The following LY96 variants were observed in gnomAD, a reference collection of about 807,000 sequenced individuals.
The protein encoded by LY96 is lymphocyte antigen 96, also known as myeloid differentiation protein-2.
LY96 carries 18 observed loss-of-function variants against 18.9 expected under a neutral mutation model. The ratio of observed to expected loss-of-function variants is 0.95; its 90% CI spans 0.66 to 1.41. The LOEUF is 1.41. Ranked by LOEUF, LY96 falls within the 40% of genes most tolerant of loss-of-function variation. LY96 has a pLI of 0.00. For synonymous variants in LY96, 66 were observed against 62.6 expected, an observed-to-expected ratio of 1.06 and a Z score of -0.26; for missense variants, 175 against 182.4, an observed-to-expected ratio of 0.96 and a Z score of 0.23.
At chr8:74,054,853 T>C in the LY96 span, among the ~76,000 whole-genome samples, 1 of 151,350 alleles carries the variant, frequency 6.6e-6, no homozygotes, top group African/African-American at 2.4e-5. Flanking sequence ...TTGTTTTCTA[T>C]ATTGCCCAGG....
In LY96 at chr8:73,993,963, G is replaced by A. The variant is rs959499903; in HGVS notation, c.112+2409G>A. 2.6e-5 allele frequency among the ~76,000 whole-genome samples: 4 copies of A among 152,096 alleles called. No homozygotes were observed. The South Asian group carries it at 8.3e-4, about 32-fold the overall frequency. On this transcript the variant is annotated intron_variant, in intron 1 of 4. Transcript: ENST00000284818. ...CATTGCTGTGAAACCATCACCGTTG[G>A]TGTATCTTTTGATTTGACTTTCTAG...
the LY96 span, among the ~76,000 whole-genome samples, chr8:74,074,609 G>T: frequency 6.6e-6 from 1 of 151,980 alleles, no homozygotes; most frequent in Non-Finnish European, 1.5e-5. Context: ...CTTCGTTTTT[G>T]ATGTAGATGC....
intron 1 of LY96, among the ~76,000 whole-genome samples, chr8:73,996,361 CTTCCTTCA>C (rs1302306474): frequency 8.9e-4 from 78 of 87,900 alleles, no homozygotes; most frequent in Middle Eastern, 4.5e-3. Flanking sequence ...TCCTTCCTTC[CTTCCTTCA>C]TTCCTTTCTT....
intron 3 of LY96, among the ~76,000 whole-genome samples, chr8:74,024,953 G>A (rs372507692): frequency 1.3e-5 from 2 of 152,038 alleles, no homozygotes; most frequent in African/African-American, 2.4e-5. Context: ...CTAGCCTCTC[G>A]AGTAACTGGG....
the LY96 span, among the ~76,000 whole-genome samples, chr8:74,084,030 T>C: frequency 6.6e-6 from 1 of 152,124 alleles, no homozygotes; most frequent in Admixed American, 6.5e-5. Context: ...CTCTTTTTTT[T>C]TTTTTGTTTC....
the LY96 span, among the ~76,000 whole-genome samples, chr8:74,051,366 G>T: frequency 6.6e-6 from 1 of 152,172 alleles, no homozygotes; most frequent in African/African-American, 2.4e-5. Context: ...TGTAACTTGG[G>T]CATGAGATAA....
At chr8:74,014,812 TAC>T (rs111566455) in intron 3 of LY96, among the ~76,000 whole-genome samples, 3,452 of 144,346 alleles carry the variant, frequency 0.024, 46 homozygotes, top group Middle Eastern at 0.031. Context: ...CTCACCAGTT[TAC>T]ACACACACAC....
At chr8:73,997,923 G>A (rs1816184909) in intron 1 of LY96, among the ~76,000 whole-genome samples, 1 of 152,192 alleles carries the variant, frequency 6.6e-6, no homozygotes, top group Non-Finnish European at 1.5e-5. Context: ...ATCTCCATGT[G>A]TTCACCAACC....
chr8:74,040,812 C>T, the LY96 span, among the ~76,000 whole-genome samples: 1 of 150,558 alleles, frequency 6.6e-6, no homozygotes, highest in African/African-American at 2.4e-5. Context: ...AAGCAATTCT[C>T]CTGCCTCAGC....
At chr8:74,081,008 T>C in the LY96 span, among the ~76,000 whole-genome samples, 2 of 127,576 alleles carry the variant, frequency 1.6e-5, no homozygotes, top group South Asian at 4.7e-4. Flanking sequence ...CTTTCTTTCT[T>C]TCTTTCTTTC....
At chr8:74,004,737 A>G (rs760899870) in intron 1 of LY96, 59 bp from the exon 2 acceptor site, 1 of 1,433,640 alleles carries the variant, frequency 7.0e-7, no homozygotes, top group Non-Finnish European at 9.7e-7. Context: ...TATTCAGAAT[A>G]CTATACTTAA....
chr8:74,031,040 A>G (rs898667364), downstream of LY96, among the ~76,000 whole-genome samples: 2 of 152,072 alleles, frequency 1.3e-5, no homozygotes, highest in African/African-American at 4.8e-5. Flanking sequence ...GCAACTGAGG[A>G]TTTCTGGCTG....
the LY96 span, among the ~76,000 whole-genome samples, chr8:74,081,126 C>T: frequency 0.1 from 2,341 of 22,416 alleles, 24 homozygotes; most frequent in African/African-American, 0.12. Context: ...TCTTTCTTTC[C>T]TTCCTTCCTT....
the LY96 span, among the ~76,000 whole-genome samples, chr8:74,070,508 A>G: frequency 6.6e-6 from 1 of 152,086 alleles, no homozygotes; most frequent in East Asian, 1.9e-4. Context: ...TTGGGTTTTT[A>G]TATATCCAGT....
chr8:74,034,007 C>T (rs1450781173), downstream of LY96, among the ~76,000 whole-genome samples: 2 of 152,064 alleles, frequency 1.3e-5, no homozygotes, highest in African/African-American at 2.4e-5. Flanking sequence ...ATTCTTGCTG[C>T]ACTTTATGTG....
chr8:74,065,702 C>T, the LY96 span, among the ~76,000 whole-genome samples: 1 of 152,178 alleles, frequency 6.6e-6, no homozygotes, highest in African/African-American at 2.4e-5. Context: ...ATTAGGACAA[C>T]TGAGATGATA....
At chr8:74,030,821 C>T (rs1168592378), downstream of LY96, among the ~76,000 whole-genome samples, 2 of 152,172 alleles carry the variant, frequency 1.3e-5, no homozygotes, top group Admixed American at 6.5e-5. Context: ...CATTTAAGAA[C>T]CAAATCAAAC....
At chr8:74,087,502 A>C in the LY96 span, among the ~76,000 whole-genome samples, 1 of 152,220 alleles carries the variant, frequency 6.6e-6, no homozygotes, top group Non-Finnish European at 1.5e-5. Flanking sequence ...TCAGCTTTGG[A>C]ATCCCGGGGT....
intron 1 of LY96, among the ~76,000 whole-genome samples, chr8:74,002,264 G>A (rs1441164618): frequency 1.3e-5 from 2 of 151,470 alleles, no homozygotes; most frequent in Non-Finnish European, 2.9e-5. Context: ...AGCCTCCTGA[G>A]TAGCTGGGAT....
Sources: gnomAD v4.1 joint callset for allele counts (sites outside exome capture counted in the v4.1 genomes callset) on GRCh38, gnomAD v4.1.1 for gene constraint, MANE v1.5 for transcripts, NCBI Gene and HGNC (gene_info 2026-07-23, HGNC 2026-07-21) for gene names.